The following ZNF385D variants were observed in gnomAD, a reference collection of about 807,000 sequenced individuals.
ZNF385D encodes the protein zinc finger protein 385D, also known as zinc finger protein 659.
In ZNF385D, 15 loss-of-function variants were observed where a neutral mutation model predicts 35.8. The ratio of observed to expected loss-of-function variants is 0.42; its 90% CI spans 0.28 to 0.64. The LOEUF (loss-of-function observed/expected upper bound fraction) is 0.64. ZNF385D is among the 30% of genes least tolerant of loss of function. The pLI, the probability that ZNF385D is intolerant of heterozygous loss-of-function variation, is 0.23. For missense variants in ZNF385D, 474 were observed against 494.6 expected, an observed-to-expected ratio of 0.96 and a Z score of 0.39; for synonymous variants, 212 against 186.8, an observed-to-expected ratio of 1.13 and a Z score of -1.10.
chr3:21,704,708 A>G (rs546599851), intron 1 of ZNF385D, among the ~76,000 whole-genome samples: 2 of 152,052 alleles, frequency 1.3e-5, no homozygotes, highest in East Asian at 3.9e-4. Flanking sequence ...CCTTTTTCTC[A>G]TACTAAAGTA....
chr3:22,252,654 T>C (rs1304884916), intron 2 of ZNF385D, among the ~76,000 whole-genome samples: 3 of 152,042 alleles, frequency 2.0e-5, no homozygotes, highest in Non-Finnish European at 2.9e-5. Context: ...GCTGCATCGA[T>C]AGAGAAGCAG....
intron 2 of ZNF385D, among the ~76,000 whole-genome samples, chr3:22,220,794 G>C (rs971131850): frequency 1.3e-5 from 2 of 151,926 alleles, no homozygotes; most frequent in Non-Finnish European, 2.9e-5. Flanking sequence ...CTTTCCCTAA[G>C]TATTATTTTC....
chr3:22,296,191 C>T (rs1334558475), intron 2 of ZNF385D, among the ~76,000 whole-genome samples: 11 of 152,168 alleles, frequency 7.2e-5, no homozygotes, highest in African/African-American at 2.4e-5. Context: ...TGCTACAATA[C>T]TACCCTCAAA....
chr3:21,855,974 A>T (rs1283421250), intron 3 of ZNF385D, among the ~76,000 whole-genome samples: 1 of 152,026 alleles, frequency 6.6e-6, no homozygotes, highest in African/African-American at 2.4e-5. Context: ...TCAATCACTT[A>T]TCTATCCTCT....
At chr3:22,222,664 G>A (rs530574049) in intron 2 of ZNF385D, among the ~76,000 whole-genome samples, 1 of 152,190 alleles carries the variant, frequency 6.6e-6, no homozygotes, top group South Asian at 2.1e-4. Flanking sequence ...TGTAATATGG[G>A]AATAACAATA....
intron 3 of ZNF385D, among the ~76,000 whole-genome samples, chr3:21,559,118 C>A (rs1172309983): frequency 2.0e-5 from 3 of 151,634 alleles, no homozygotes; most frequent in African/African-American, 7.3e-5. Context: ...GACACTCTAT[C>A]CAATTTGCCA....
At chr3:21,639,409 CATAA>C (rs1224167687) in intron 2 of ZNF385D, among the ~76,000 whole-genome samples, 1 of 151,642 alleles carries the variant, frequency 6.6e-6, no homozygotes, top group African/African-American at 2.4e-5. Flanking sequence ...AAATACATTA[CATAA>C]ATAAATAAAG....
intron 1 of ZNF385D, among the ~76,000 whole-genome samples, chr3:21,704,472 C>A (rs2067822765): frequency 2.0e-5 from 3 of 151,956 alleles, no homozygotes; most frequent in Middle Eastern, 3.4e-3. Context: ...TATTTCATAG[C>A]CTTTACCAAA....
intron 2 of ZNF385D, among the ~76,000 whole-genome samples, chr3:21,627,569 C>G (rs1414137794): frequency 6.6e-6 from 1 of 152,094 alleles, no homozygotes; most frequent in Admixed American, 6.6e-5. Context: ...ACTCCTCCTT[C>G]CTTTATTGGG....
chr3:22,108,337 G>C (rs188921749), intron 3 of ZNF385D, among the ~76,000 whole-genome samples: 188 of 151,988 alleles, frequency 1.2e-3, no homozygotes, highest in African/African-American at 4.3e-3. Context: ...TATTAACACA[G>C]AAACTATACA....
In ZNF385D at chr3:21,664,234, C is replaced by A. The variant is rs187484900; in HGVS notation, c.165+652G>T. The stretch of plus-strand genomic sequence containing the variant: ...CACGATGGTGAAAATGATGCATCTG[C>A]CAACTTACAAAAAGACGTCTTAAAA... On this transcript the variant is annotated intron_variant, in intron 2 of 7. Transcript: ENST00000281523. 3.9e-5 allele frequency among the ~76,000 whole-genome samples: 6 copies of A among 151,974 alleles called. No homozygotes were observed. The East Asian group carries it at 9.7e-4, about 25-fold the overall frequency.
intron 4 of ZNF385D, among the ~76,000 whole-genome samples, chr3:21,499,171 A>G (rs1287537988): frequency 6.6e-6 from 1 of 152,108 alleles, no homozygotes; most frequent in African/African-American, 2.4e-5. Flanking sequence ...ATAAAGACAC[A>G]TGCATCCATT....
At chr3:22,030,299 A>ATATATATATATATCTATC (rs1553591392) in intron 3 of ZNF385D, among the ~76,000 whole-genome samples, 4 of 114,742 alleles carry the variant, frequency 3.5e-5, no homozygotes, top group Admixed American at 2.1e-4. Flanking sequence ...ATATATATAT[A>ATATATATATATATCTATC]TATCCTATTT....
chr3:22,247,972 G>C (rs754493260), intron 2 of ZNF385D, among the ~76,000 whole-genome samples: 128 of 152,052 alleles, frequency 8.4e-4, no homozygotes, highest in Non-Finnish European at 1.7e-3. Flanking sequence ...TCAAAAACAA[G>C]AATTTTGCTG....
chr3:21,932,547 T>A (rs1242754330), intron 3 of ZNF385D, among the ~76,000 whole-genome samples: 1 of 152,052 alleles, frequency 6.6e-6, no homozygotes, highest in Non-Finnish European at 1.5e-5. Flanking sequence ...GACAAGTATC[T>A]GTAATGCAGT....
intron 3 of ZNF385D, among the ~76,000 whole-genome samples, chr3:22,141,679 AGG>A (rs1400695031): frequency 1.3e-5 from 2 of 152,148 alleles, no homozygotes; most frequent in Non-Finnish European, 2.9e-5. Flanking sequence ...GAGGAGGAGG[AGG>A]AGGGTAGCAC....
chr3:22,257,539 G>C (rs1700379109), intron 2 of ZNF385D, among the ~76,000 whole-genome samples: 3 of 151,594 alleles, frequency 2.0e-5, no homozygotes, highest in Non-Finnish European at 4.4e-5. Context: ...GTTTTCTCCA[G>C]AATTTCATAC....
intron 2 of ZNF385D, among the ~76,000 whole-genome samples, chr3:21,622,448 C>G (rs2125817259): frequency 6.6e-6 from 1 of 152,178 alleles, no homozygotes; most frequent in Non-Finnish European, 1.5e-5. Flanking sequence ...AAATTAAGGC[C>G]TACATTTTGA....
intron 2 of ZNF385D, among the ~76,000 whole-genome samples, chr3:22,250,248 AG>A (rs2125327584): frequency 6.6e-6 from 1 of 152,242 alleles, no homozygotes; most frequent in South Asian, 2.1e-4. Context: ...GTATTCCTTG[AG>A]TGGGTTGTAT....
Sources: allele counts gnomAD v4.1 joint callset (sites outside exome capture counted in the v4.1 genomes callset), GRCh38; gene constraint gnomAD v4.1.1; transcripts MANE v1.5; gene names NCBI Gene and HGNC (gene_info 2026-07-23, HGNC 2026-07-21).